Variants in POPDC3 observed in about 807,000 individuals in gnomAD.
POPDC3 encodes the protein popeye domain cAMP effector 3.
In POPDC3, 20 loss-of-function variants were observed where a neutral mutation model predicts 28.2. That is an observed-to-expected ratio of 0.71 (90% confidence interval 0.50 to 1.03). POPDC3 has a LOEUF of 1.03. Ranked by LOEUF, POPDC3 falls within the 50% of genes least tolerant of loss-of-function variation. POPDC3 has a pLI of 0.00. For synonymous variants in POPDC3, 118 were observed against 124.1 expected (o/e 0.95, Z 0.33); for missense variants, 316 against 345.9 (o/e 0.91, Z 0.69).
In POPDC3 at chr6:105,172,844, C is replaced by T. The variant is rs956597502; in HGVS notation, c.-252+6989G>A. On this transcript the variant is annotated intron_variant, in intron 1 of 3. Coordinates refer to ENST00000254765, the MANE Select transcript of POPDC3 (RefSeq NM_022361.5). ...AGGTGGGAATTGAACAATGAGAACA[C>T]GTGGACACGGGAAGGGGAACATCAC... is the stretch of plus-strand genomic sequence containing the variant. 4.6e-5 allele frequency among the ~76,000 whole-genome samples: 6 copies of T among 130,738 alleles called. No homozygotes were observed. In the Admixed American group the frequency reaches 4.8e-4, roughly 10 times the overall value. The allele number at this position is 130,738 out of a possible 152,430, so 85.8% of individuals were successfully genotyped here. A position where few individuals can be genotyped will look rare whatever the true frequency, so the allele number is the denominator to read the frequency against.
At position 105,158,693 on chromosome 6, in the gene POPDC3, T is replaced by C. The variant is rs1385187658; in HGVS notation, c.653A>G (p.Tyr218Cys). 4 of 1,613,954 alleles carry C rather than the reference T, an allele frequency of 2.5e-6. No individual in the cohort carries two copies. Residue 218 changes from tyrosine (Y) to cysteine (C), a missense_variant, in exon 4 of 4, where the codon TAT becomes TGT. Physicochemically the swap from Tyr to Cys is radical, Grantham distance 194. Coordinates refer to ENST00000254765, the MANE Select transcript of POPDC3 (RefSeq NM_022361.5). ...RYVSWRRKKLYLLFAQHRYIS... is the reference protein window; with the variant it reads ...RYVSWRRKKLCLLFAQHRYIS... ...GTAGCGATGCTGAGCAAAGAGCAGA[T>C]ATAATTTCTTTCTCCTCCAAGACAC...
chr6:105,172,240 T>G (rs928138682), intron 1 of POPDC3, among the ~76,000 whole-genome samples: 5 of 150,988 alleles, frequency 3.3e-5, no homozygotes, highest in African/African-American at 1.2e-4. Flanking sequence ...AACAGACACT[T>G]CTCAAAAGAA....
At chr6:105,158,879 C>G (rs1774257831) in intron 3 of POPDC3, 128 bp from the exon 4 acceptor site, 1 of 748,752 alleles carries the variant, frequency 1.3e-6, no homozygotes, top group Non-Finnish European at 2.2e-6. Flanking sequence ...GCCCACTGAC[C>G]TACAATATAT....
intron 2 of POPDC3, chr6:105,160,192 T>C (rs2114524513): frequency 6.4e-6 from 1 of 155,590 alleles, no homozygotes; most frequent in African/African-American, 2.4e-5. Flanking sequence ...GTTCTGCAAA[T>C]ACCTCTGTAA....
chr6:105,158,378 A>T lies in POPDC3; in HGVS notation c.*92T>A. Reference sequence around the variant, plus strand: ...GCTTCTGAATTTGATTTATAAAAACATTAGGGAGCTCTTTTTTTGTATTTT... The same window carrying T: ...GCTTCTGAATTTGATTTATAAAAACTTTAGGGAGCTCTTTTTTTGTATTTT... On this transcript the variant is annotated 3_prime_UTR_variant, in exon 4 of 4. Transcript: ENST00000254765. 1 of 1,094,746 alleles carries T rather than the reference A, an allele frequency of 9.1e-7. No homozygotes were observed. The highest frequency in any genetic ancestry group is 3.2e-4 in the Middle Eastern group (1 of 3,124). 67.8% of individuals were successfully genotyped at this position (1,094,746 alleles called of 1,614,324 possible). A position where few individuals can be genotyped will look rare whatever the true frequency, so the allele number is the denominator to read the frequency against.
At chr6:105,175,842 C>G (rs1302505337) in intron 1 of POPDC3, among the ~76,000 whole-genome samples, 1 of 150,006 alleles carries the variant, frequency 6.7e-6, no homozygotes, top group Non-Finnish European at 1.5e-5. Flanking sequence ...GACTCTGTCT[C>G]AAAAAATAAA....
chr6:105,172,184 C>T (rs1353898067), intron 1 of POPDC3, among the ~76,000 whole-genome samples: 5 of 150,802 alleles, frequency 3.3e-5, no homozygotes, highest in African/African-American at 9.8e-5. Flanking sequence ...AACAAATTTA[C>T]AAGAAAAAAA....
intron 1 of POPDC3, among the ~76,000 whole-genome samples, chr6:105,172,647 CAAT>C (rs1428479625): frequency 6.6e-6 from 1 of 150,730 alleles, no homozygotes; most frequent in African/African-American, 2.5e-5. Context: ...AAATGTCCAA[CAAT>C]GAGAGACTGG....
At chr6:105,163,391 A>C (rs925450700) in intron 1 of POPDC3, among the ~76,000 whole-genome samples, 40 of 152,324 alleles carry the variant, frequency 2.6e-4, no homozygotes, top group Middle Eastern at 3.4e-3. Flanking sequence ...CCATGATGAC[A>C]GAGCTACAGG....
At chr6:105,167,937 GTC>G (rs1346143679) in intron 1 of POPDC3, among the ~76,000 whole-genome samples, 1 of 152,178 alleles carries the variant, frequency 6.6e-6, no homozygotes, top group Non-Finnish European at 1.5e-5. Context: ...CTGGTCTAGA[GTC>G]TCTCAAGTAA....
At chr6:105,159,993 A>C in intron 2 of POPDC3, 174 bp from the exon 3 acceptor site, 1 of 498,804 alleles carries the variant, frequency 2.0e-6, no homozygotes, top group African/African-American at 1.9e-5. Flanking sequence ...AATGTCCTGT[A>C]AGATTCATGT....
intron 1 of POPDC3, among the ~76,000 whole-genome samples, chr6:105,162,376 T>G (rs1341347159): frequency 6.6e-6 from 1 of 152,208 alleles, no homozygotes; most frequent in Non-Finnish European, 1.5e-5. Context: ...AGCTAAGTGC[T>G]CTATATTAAT....
chr6:105,171,097 G>C (rs1258154651), intron 1 of POPDC3, among the ~76,000 whole-genome samples: 2 of 152,208 alleles, frequency 1.3e-5, no homozygotes, highest in Non-Finnish European at 2.9e-5. Context: ...AACCAAGATA[G>C]CTGGTAGATG....
intron 2 of POPDC3, among the ~76,000 whole-genome samples, chr6:105,160,296 C>T (rs964692788): frequency 3.9e-5 from 6 of 152,170 alleles, no homozygotes; most frequent in South Asian, 2.1e-4. Flanking sequence ...CCTGCAACCT[C>T]CTCCTCCCAG....
intron 1 of POPDC3, chr6:105,177,086 G>A (rs1292395712): frequency 2.9e-6 from 1 of 346,872 alleles, no homozygotes; most frequent in Non-Finnish European, 4.1e-6. Flanking sequence ...CCAACAACCA[G>A]AATTAACAAC....
Position 105,158,646 on chromosome 6 carries a change from G to C in POPDC3, c.700C>G (p.Leu234Val). The C allele has an allele frequency of 6.2e-7, 1 of 1,614,068 alleles. No individual in the cohort carries two copies. The highest frequency in any genetic ancestry group is 8.5e-7 in the Non-Finnish European group (1 of 1,179,986). Residue 234 changes from leucine (L) to valine (V), a missense_variant, in exon 4 of 4, where the codon CTA becomes GTA. Leu to Val is a conservative substitution (Grantham distance 32). Coordinates refer to ENST00000254765, the MANE Select transcript of POPDC3 (RefSeq NM_022361.5). ...HRYISRLFSV[L>V]IGSDIADKLY... ...TTATCTGCAATGTCACTGCCAATTAGCACTGAAAAAAGGCGGGAGATGTAG... is the reference window on the plus strand; with the variant it reads ...TTATCTGCAATGTCACTGCCAATTACCACTGAAAAAAGGCGGGAGATGTAG...
intron 1 of POPDC3, chr6:105,169,871 GCT>G: frequency 6.6e-6 from 1 of 152,338 alleles, no homozygotes; most frequent in Admixed American, 6.5e-5. Context: ...GCCAGTGTCT[GCT>G]CTCTTTACCA....
intron 1 of POPDC3, among the ~76,000 whole-genome samples, chr6:105,178,114 C>T (rs1207310338): frequency 6.6e-6 from 1 of 152,190 alleles, no homozygotes; most frequent in East Asian, 1.9e-4. Flanking sequence ...CCCAACTGAC[C>T]AATGACCATA....
At chr6:105,174,567 C>T (rs941740734) in intron 1 of POPDC3, among the ~76,000 whole-genome samples, 30 of 152,118 alleles carry the variant, frequency 2.0e-4, no homozygotes, top group African/African-American at 6.3e-4. Flanking sequence ...CAATTTATGA[C>T]GATGATGTGT....
Sources: gnomAD v4.1 joint callset for allele counts (sites outside exome capture counted in the v4.1 genomes callset) on GRCh38, gnomAD v4.1.1 for gene constraint, MANE v1.5 for transcripts, NCBI Gene and HGNC (gene_info 2026-07-23, HGNC 2026-07-21) for gene names.